The following CIMIP3 variants were observed in gnomAD, a reference collection of about 807,000 sequenced individuals.
CIMIP3 encodes GUCA1A neighbor.
At chr6:42,155,568 G>C in the CIMIP3 span, 15 of 717,512 alleles carry the variant, frequency 2.1e-5, no homozygotes, top group South Asian at 1.3e-4. Context: ...GAAAGCCCCA[G>C]CCAGCCTCAC....
At chr6:42,156,978 T>C in the CIMIP3 span, among the ~76,000 whole-genome samples, 1 of 152,232 alleles carries the variant, frequency 6.6e-6, no homozygotes, top group African/African-American at 2.4e-5. Flanking sequence ...AATTTCTCAC[T>C]GGGCAAGGCC....
chr6:42,161,677 A>T, the CIMIP3 span, among the ~76,000 whole-genome samples: 1 of 152,168 alleles, frequency 6.6e-6, no homozygotes, highest in African/African-American at 2.4e-5. Context: ...CGAGGTAGGT[A>T]TGGGTGAGTA....
chr6:42,156,870 C>T, the CIMIP3 span, among the ~76,000 whole-genome samples: 8 of 152,248 alleles, frequency 5.3e-5, no homozygotes, highest in East Asian at 1.9e-4. Flanking sequence ...GACAGCACCA[C>T]GTGCCCCTGG....
At chr6:42,160,119 A>C in the CIMIP3 span, among the ~76,000 whole-genome samples, 3 of 151,958 alleles carry the variant, frequency 2.0e-5, no homozygotes, top group East Asian at 5.8e-4. Context: ...CTGAGTGGCT[A>C]GGACCATAGG....
chr6:42,160,659 G>A, the CIMIP3 span, among the ~76,000 whole-genome samples: 1 of 152,192 alleles, frequency 6.6e-6, no homozygotes, highest in Admixed American at 6.5e-5. Context: ...CATCCTGAGA[G>A]GGGTCCAGAA....
the CIMIP3 span, chr6:42,155,426 C>A: frequency 3.0e-6 from 2 of 659,312 alleles, no homozygotes; most frequent in Non-Finnish European, 5.6e-6. Context: ...CAAGAGTCCT[C>A]CCTGACCACC....
At chr6:42,155,635 G>C in the CIMIP3 span, 1 of 717,334 alleles carries the variant, frequency 1.4e-6, no homozygotes, top group Non-Finnish European at 2.6e-6. Flanking sequence ...GCTGGTGCTG[G>C]TGCTGCTGCC....
the CIMIP3 span, among the ~76,000 whole-genome samples, chr6:42,157,208 C>T: frequency 5.3e-5 from 8 of 152,138 alleles, no homozygotes; most frequent in African/African-American, 9.6e-5. Context: ...TTGTGGGGTC[C>T]GCCTGTGGGG....
At chr6:42,162,579 G>A in the CIMIP3 span, among the ~76,000 whole-genome samples, 1,388 of 147,350 alleles carry the variant, frequency 9.4e-3, 25 homozygotes, top group South Asian at 0.059. Context: ...GGAGGGGAGG[G>A]CCACACAGGA....
chr6:42,162,370 G>A, the CIMIP3 span, among the ~76,000 whole-genome samples: 1 of 151,134 alleles, frequency 6.6e-6, no homozygotes, highest in Non-Finnish European at 1.5e-5. Flanking sequence ...AGCCGAGATC[G>A]TGCCATTGTA....
At chr6:42,158,162 G>T in the CIMIP3 span, among the ~76,000 whole-genome samples, 2 of 152,232 alleles carry the variant, frequency 1.3e-5, no homozygotes, top group African/African-American at 4.8e-5. Context: ...TGTGAGCAAA[G>T]AATAGCCAGT....
chr6:42,159,944 A>G, the CIMIP3 span, among the ~76,000 whole-genome samples: 95,022 of 152,038 alleles, frequency 0.62, 29,972 homozygotes, highest in South Asian at 0.7. Flanking sequence ...GAGGTAATCC[A>G]CTGACAGGGT....
the CIMIP3 span, among the ~76,000 whole-genome samples, chr6:42,161,852 A>G: frequency 6.6e-6 from 1 of 152,058 alleles, no homozygotes; most frequent in African/African-American, 2.4e-5. Flanking sequence ...AGGATTTTGG[A>G]GGCTGTTATG....
At chr6:42,162,096 T>TC in the CIMIP3 span, among the ~76,000 whole-genome samples, 1 of 87,850 alleles carries the variant, frequency 1.1e-5, no homozygotes, top group South Asian at 3.0e-4. Flanking sequence ...CATTCTTTTT[T>TC]TTTTTTTTTT....
the CIMIP3 span, among the ~76,000 whole-genome samples, chr6:42,155,899 G>A: frequency 0.032 from 4,878 of 152,274 alleles, 127 homozygotes; most frequent in South Asian, 0.061. Flanking sequence ...ACCCTATGAG[G>A]TAGAGCTCTT....
At chr6:42,162,910 C>T in the CIMIP3 span, 3 of 615,322 alleles carry the variant, frequency 4.9e-6, no homozygotes, top group Admixed American at 8.1e-5. Flanking sequence ...CCTTCTTTCC[C>T]CCCTCCCAGG....
chr6:42,157,512 T>C, the CIMIP3 span, among the ~76,000 whole-genome samples: 4 of 151,786 alleles, frequency 2.6e-5, no homozygotes, highest in South Asian at 4.2e-4. Flanking sequence ...AGCCTCCCAA[T>C]GTGCTGGGAT....
At chr6:42,160,792 A>G in the CIMIP3 span, among the ~76,000 whole-genome samples, 1 of 152,200 alleles carries the variant, frequency 6.6e-6, no homozygotes, top group African/African-American at 2.4e-5. Context: ...CAAATTTGCA[A>G]AACTGAGGGC....
At chr6:42,155,553 A>G in the CIMIP3 span, 1 of 717,348 alleles carries the variant, frequency 1.4e-6, no homozygotes, top group African/African-American at 1.7e-5. Flanking sequence ...GGCAGGAAAG[A>G]GCATGAAAGC....
Sources: gnomAD v4.1 joint callset for allele counts (sites outside exome capture counted in the v4.1 genomes callset) on GRCh38, gnomAD v4.1.1 for gene constraint, MANE v1.5 for transcripts, NCBI Gene and HGNC (gene_info 2026-07-23, HGNC 2026-07-21) for gene names.